FYB1: variants seen among roughly 807,000 people sequenced by gnomAD.
FYB1 encodes FYN binding protein 1, also known as FYN-binding protein 1.
A neutral mutation model predicts 94.1 loss-of-function variants in FYB1; 41 were observed. That is an observed-to-expected ratio of 0.44 (90% CI 0.34 to 0.57). FYB1 has a LOEUF of 0.57. Among genes scored for constraint, FYB1 ranks in the 20% least tolerant of loss-of-function variants. The pLI is 0.02. For synonymous variants in FYB1, 367 were observed against 353.2 expected, an observed-to-expected ratio of 1.04 and a Z score of -0.44; for missense variants, 1,050 against 976.8, an observed-to-expected ratio of 1.07 and a Z score of -1.00.
rs867044458 is a variant in FYB1, at chr5:39,185,525, A to T, written c.1135+16301T>A. 3.9e-3 allele frequency among the ~76,000 whole-genome samples: 540 copies of T among 137,280 alleles called. 2 individuals carry two copies. Among genetic ancestry groups the T allele is most frequent in the African/African-American group, 0.013 (477 of 35,434 alleles). 90.1% of individuals were successfully genotyped at this position (137,280 alleles called of 152,430 possible). ...AGAAAAGATAACTGACTAAAAAAAA[A>T]ATATATATATATATATGATATATAT... On this transcript the variant is annotated intron_variant, in intron 2 of 18. Coordinates refer to ENST00000512982, the MANE Select transcript of FYB1 (RefSeq NM_001465.6).
intron 1 of FYB1, among the ~76,000 whole-genome samples, chr5:39,264,604 C>G (rs1752351730): frequency 6.6e-6 from 1 of 152,314 alleles, no homozygotes; most frequent in African/African-American, 2.4e-5. Flanking sequence ...TGCCTCACCT[C>G]TTTTGCACCT....
intron 17 of FYB1, among the ~76,000 whole-genome samples, chr5:39,110,016 T>C (rs530757002): frequency 6.6e-6 from 1 of 152,220 alleles, no homozygotes; most frequent in South Asian, 2.1e-4. Flanking sequence ...ACTCAATCAA[T>C]TGCATTAGCA....
intron 1 of FYB1, among the ~76,000 whole-genome samples, chr5:39,267,401 A>ATCG (rs760970944): frequency 2.0e-5 from 3 of 151,696 alleles, no homozygotes; most frequent in African/African-American, 7.3e-5. Flanking sequence ...CATCATCATC[A>ATCG]TCACGTCATC....
At chr5:39,245,506 T>G (rs1280874117) in intron 1 of FYB1, among the ~76,000 whole-genome samples, 1 of 152,086 alleles carries the variant, frequency 6.6e-6, no homozygotes, top group Non-Finnish European at 1.5e-5. Flanking sequence ...TCCCTGAGAT[T>G]GAGAGGGCAG....
At chr5:39,132,119 T>G (rs1741254366) in intron 9 of FYB1, among the ~76,000 whole-genome samples, 1 of 152,152 alleles carries the variant, frequency 6.6e-6, no homozygotes, top group South Asian at 2.1e-4. Context: ...AGGACAGCTG[T>G]CAGGGGCTGT....
At position 39,171,058 on chromosome 5, in the gene FYB1, C is replaced by T. The variant is rs923203003; in HGVS notation, c.1136-17454G>A. On this transcript the variant is annotated intron_variant, in intron 2 of 18. Coordinates refer to ENST00000512982, the MANE Select transcript of FYB1 (RefSeq NM_001465.6). ...ATCCCAGCAGTTTGGGAGGCTGAGG[C>T]GGAGGGGTGACATGAGGTCAGGCAT... 2.6e-5 allele frequency among the ~76,000 whole-genome samples: 4 copies of T among 152,136 alleles called. No homozygotes were observed. The East Asian group carries it at 5.8e-4, about 22-fold the overall frequency.
chr5:39,128,000 TG>T (rs2150303050), intron 10 of FYB1, among the ~76,000 whole-genome samples, 193 bp from the exon 11 acceptor site: 1 of 152,236 alleles, frequency 6.6e-6, no homozygotes, highest in African/African-American at 2.4e-5. Flanking sequence ...AATAACAAAA[TG>T]AGGGCTAAGA....
In FYB1 at chr5:39,255,843, A is replaced by G. The variant is rs574772501; in HGVS notation, c.-28+18560T>C. ...GACCAATCCAGTCTCAGTGTGGAGG[A>G]TGCAACAAGAAGAAAAGAGCTACTC... On this transcript the variant is annotated intron_variant, in intron 1 of 1. Transcript: ENST00000510188. Among the ~76,000 whole-genome samples, 3 of 152,298 alleles carry G rather than the reference A, an allele frequency of 2.0e-5. No homozygotes were observed. In the South Asian group the frequency reaches 6.2e-4, roughly 32 times the overall value.
At chr5:39,201,493 C>T (rs1748307953) in intron 2 of FYB1, among the ~76,000 whole-genome samples, 1 of 152,082 alleles carries the variant, frequency 6.6e-6, no homozygotes, top group African/African-American at 2.4e-5. Context: ...GGTAACATAC[C>T]TCAGTCTCAT....
At chr5:39,163,812 C>T (rs1028081668) in intron 2 of FYB1, among the ~76,000 whole-genome samples, 2 of 150,890 alleles carry the variant, frequency 1.3e-5, no homozygotes, top group African/African-American at 4.9e-5. Context: ...CTCTTCCCTC[C>T]TCTAAGATAC....
intron 1 of FYB1, among the ~76,000 whole-genome samples, chr5:39,256,244 G>A (rs143299589): frequency 0.01 from 1,592 of 152,266 alleles, 31 homozygotes; most frequent in African/African-American, 0.036. Context: ...TGAACCCAAA[G>A]GAGAAACCAG....
At chr5:39,217,524 T>G (rs1442596365) in intron 1 of FYB1, among the ~76,000 whole-genome samples, 1 of 152,170 alleles carries the variant, frequency 6.6e-6, no homozygotes, top group African/African-American at 2.4e-5. Flanking sequence ...CTGGGCCAGG[T>G]GCTGTGCTAG....
intron 1 of FYB1, among the ~76,000 whole-genome samples, chr5:39,253,380 TG>T (rs1300360610): frequency 6.6e-6 from 1 of 152,180 alleles, no homozygotes; most frequent in African/African-American, 2.4e-5. Flanking sequence ...AAAAGCCATC[TG>T]GGGAGTCCAG....
chr5:39,185,627 C>CATAT (rs551230213), intron 2 of FYB1, among the ~76,000 whole-genome samples: 1 of 140,102 alleles, frequency 7.1e-6, no homozygotes, highest in African/African-American at 2.9e-5. Flanking sequence ...TATATACACA[C>CATAT]ATATATATAT....
intron 2 of FYB1, among the ~76,000 whole-genome samples, chr5:39,164,799 C>T (rs1744573394): frequency 6.6e-6 from 1 of 152,176 alleles, no homozygotes; most frequent in Non-Finnish European, 1.5e-5. Context: ...AGGAAATTGC[C>T]TGACCAGTGT....
intron 2 of FYB1, among the ~76,000 whole-genome samples, chr5:39,195,647 T>A (rs113842440): frequency 6.6e-6 from 1 of 152,150 alleles, no homozygotes; most frequent in Non-Finnish European, 1.5e-5. Context: ...AGCTAACATA[T>A]GGAAAAAATC....
chr5:39,250,502 A>G (rs1336233070), intron 1 of FYB1, among the ~76,000 whole-genome samples: 2 of 152,228 alleles, frequency 1.3e-5, no homozygotes, highest in African/African-American at 4.8e-5. Context: ...TTGTCAAACA[A>G]AATAAAACAA....
At chr5:39,247,221 A>T (rs1223794665) in intron 1 of FYB1, among the ~76,000 whole-genome samples, 1 of 151,016 alleles carries the variant, frequency 6.6e-6, no homozygotes, top group Non-Finnish European at 1.5e-5. Context: ...CTGGCAAAGT[A>T]GGTCATTTTC....
intron 2 of FYB1, among the ~76,000 whole-genome samples, chr5:39,186,063 C>T (rs1271321691): frequency 1.3e-5 from 2 of 152,076 alleles, no homozygotes; most frequent in Non-Finnish European, 1.5e-5. Flanking sequence ...TAACCCCACC[C>T]CTCTCTTCCC....
Sources: gnomAD v4.1 joint callset for allele counts (sites outside exome capture counted in the v4.1 genomes callset) on GRCh38, gnomAD v4.1.1 for gene constraint, MANE v1.5 for transcripts, NCBI Gene and HGNC (gene_info 2026-07-23, HGNC 2026-07-21) for gene names.